HECW1: variants seen among roughly 807,000 people sequenced by gnomAD.
HECW1 encodes the protein HECT, C2 and WW domain containing E3 ubiquitin protein ligase 1.
In HECW1, 61 loss-of-function variants were observed where a neutral mutation model predicts 182.3. The observed-to-expected ratio is 0.33, with a 90% confidence interval of 0.27 to 0.41. The LOEUF is 0.41. HECW1 is among the 10% of genes least tolerant of loss of function. HECW1 has a pLI of 1.00. For synonymous variants in HECW1, 859 were observed against 832.6 expected (o/e 1.03, Z -0.55); for missense variants, 1,739 against 2,108.9 (o/e 0.82, Z 3.44).
At chr7:43,405,067 T>C (rs13238475) in intron 7 of HECW1, among the ~76,000 whole-genome samples, 23,151 of 152,174 alleles carry the variant, frequency 0.15, 1,918 homozygotes, top group East Asian at 0.22. Flanking sequence ...GCCCTGACAA[T>C]CTGTAAGCCT....
intron 3 of HECW1, among the ~76,000 whole-genome samples, chr7:43,263,891 C>T (rs1459689580): frequency 1.3e-5 from 2 of 151,906 alleles, no homozygotes; most frequent in African/African-American, 4.8e-5. Flanking sequence ...TATTATTTAC[C>T]ATTCACAAAT....
intron 27 of HECW1, 108 bp from the exon 28 acceptor site, chr7:43,552,114 T>C: frequency 1.4e-6 from 1 of 690,642 alleles, no homozygotes; most frequent in Admixed American, 2.3e-5. Flanking sequence ...TCAAAAAAAG[T>C]ATTGCCAGTG....
chr7:43,275,370 T>C (rs1802993118), intron 3 of HECW1, among the ~76,000 whole-genome samples: 1 of 152,158 alleles, frequency 6.6e-6, no homozygotes, highest in Non-Finnish European at 1.5e-5. Flanking sequence ...TACACATGCA[T>C]GCATTGAAAA....
chr7:43,263,147 A>G (rs771804594), intron 3 of HECW1, among the ~76,000 whole-genome samples: 1 of 152,236 alleles, frequency 6.6e-6, no homozygotes, highest in Admixed American at 6.5e-5. Context: ...AAAGAGAGAA[A>G]AATTGTTATT....
intron 2 of HECW1, among the ~76,000 whole-genome samples, chr7:43,208,333 C>T (rs770835166): frequency 1.3e-5 from 2 of 152,186 alleles, no homozygotes; most frequent in Admixed American, 6.5e-5. Flanking sequence ...GGTCTTTTCC[C>T]ACAGGGTCCT....
chr7:43,438,260 A>G (rs1361666029), intron 9 of HECW1, 115 bp downstream of exon 9: 1 of 847,868 alleles, frequency 1.2e-6, no homozygotes, highest in Non-Finnish European at 1.8e-6. Flanking sequence ...TGGTATCATT[A>G]TATTTCCTTT....
chr7:43,374,296 T>C (rs1405381311), intron 6 of HECW1, among the ~76,000 whole-genome samples: 4 of 152,134 alleles, frequency 2.6e-5, no homozygotes, highest in Non-Finnish European at 4.4e-5. Flanking sequence ...CAAGAGAACA[T>C]TGTATCTTTG....
intron 3 of HECW1, among the ~76,000 whole-genome samples, chr7:43,260,746 G>T (rs1801088889): frequency 6.6e-6 from 1 of 152,182 alleles, no homozygotes; most frequent in Admixed American, 6.5e-5. Flanking sequence ...CTTAGTCATT[G>T]CTTGGATGTG....
chr7:43,510,493 A>C (rs1277243461), intron 24 of HECW1, among the ~76,000 whole-genome samples: 1 of 152,278 alleles, frequency 6.6e-6, no homozygotes, highest in African/African-American at 2.4e-5. Context: ...GGATACAAAC[A>C]TAAAATGAGC....
intron 8 of HECW1, among the ~76,000 whole-genome samples, chr7:43,422,329 G>A (rs2076208738): frequency 6.6e-6 from 1 of 151,208 alleles, no homozygotes; most frequent in African/African-American, 2.4e-5. Context: ...AACTTTTAGA[G>A]TATACTTCTC....
intron 3 of HECW1, among the ~76,000 whole-genome samples, chr7:43,297,320 GTTTA>G (rs989646462): frequency 2.0e-5 from 3 of 152,182 alleles, no homozygotes; most frequent in Non-Finnish European, 2.9e-5. Context: ...TTGTTTGTTT[GTTTA>G]TTTATTTCTA....
intron 17 of HECW1, chr7:43,484,729 G>C (rs1262148037): frequency 6.6e-6 from 1 of 152,188 alleles, no homozygotes; most frequent in Non-Finnish European, 1.5e-5. Flanking sequence ...TTTTCAGACA[G>C]ATTCCTGAAA....
chr7:43,392,578 C>T (rs543733874), intron 6 of HECW1, among the ~76,000 whole-genome samples: 16 of 152,212 alleles, frequency 1.1e-4, no homozygotes, highest in Non-Finnish European at 1.8e-4. Context: ...GGCAGGCACC[C>T]TTGCCCTTGG....
chr7:43,250,584 C>T (rs1477958821), intron 3 of HECW1, among the ~76,000 whole-genome samples: 5 of 152,122 alleles, frequency 3.3e-5, no homozygotes, highest in Admixed American at 2.0e-4. Context: ...GAGAAGAGAG[C>T]GCCAGGAACG....
chr7:43,184,549 G>C (rs1194237382), intron 2 of HECW1, among the ~76,000 whole-genome samples: 1 of 152,154 alleles, frequency 6.6e-6, no homozygotes, highest in African/African-American at 2.4e-5. Flanking sequence ...GACGTCCCTA[G>C]ATAGCTTCAG....
chr7:43,505,605 A>G (rs2079547031), intron 21 of HECW1, among the ~76,000 whole-genome samples: 1 of 152,192 alleles, frequency 6.6e-6, no homozygotes, highest in South Asian at 2.1e-4. Context: ...TGTGCTCCAG[A>G]CAAACTGGAG....
At chr7:43,206,432 T>C (rs1019467347) in intron 2 of HECW1, among the ~76,000 whole-genome samples, 4 of 152,196 alleles carry the variant, frequency 2.6e-5, no homozygotes, top group Admixed American at 6.5e-5. Flanking sequence ...TCTCTTCTGC[T>C]CTCTATTGGA....
intron 26 of HECW1, among the ~76,000 whole-genome samples, chr7:43,544,462 T>A (rs2081480397): frequency 6.6e-6 from 1 of 152,242 alleles, no homozygotes; most frequent in African/African-American, 2.4e-5. Context: ...TCAGAAAATT[T>A]ACCAGTATTT....
intron 2 of HECW1, among the ~76,000 whole-genome samples, chr7:43,242,197 G>C (rs1228759448): frequency 6.6e-6 from 1 of 152,194 alleles, no homozygotes; most frequent in African/African-American, 2.4e-5. Context: ...GCGACATCAG[G>C]TTTCCTTTTT....
Sources: gnomAD v4.1 joint callset for allele counts (sites outside exome capture counted in the v4.1 genomes callset) on GRCh38, gnomAD v4.1.1 for gene constraint, MANE v1.5 for transcripts, NCBI Gene and HGNC (gene_info 2026-07-23, HGNC 2026-07-21) for gene names.